The following LPCAT2 variants were observed in gnomAD, a reference collection of about 807,000 sequenced individuals.
LPCAT2 encodes lysophosphatidylcholine acyltransferase 2.
In LPCAT2, 58 loss-of-function variants were observed where a neutral mutation model predicts 64.7. That is an observed-to-expected ratio of 0.90 (90% CI 0.73 to 1.12). The LOEUF (loss-of-function observed/expected upper bound fraction) is 1.12. Ranked by LOEUF, LPCAT2 falls within the 50% of genes most tolerant of loss-of-function variation. The probability of loss-of-function intolerance (pLI) is 0.00; values close to 1 mark genes in which losing one functional copy is unlikely to be tolerated. For missense variants in LPCAT2, 579 were observed against 669.8 expected (o/e 0.86, Z 1.50); for synonymous variants, 252 against 245.3 (o/e 1.03, Z -0.26).
Position 55,549,266 on chromosome 16 carries a change from A to C in LPCAT2, c.936-11A>C, listed in dbSNP as rs752227642. The C allele has an allele frequency of 1.3e-6, 2 of 1,536,496 alleles. No individual in the cohort carries two copies. The highest frequency in any genetic ancestry group is 2.6e-5 in the South Asian group (2 of 77,518). ...AAAAATGAATTTTAGTTTGCTTCTT[A>C]ATACTTTTAGAGCTCTGGGAATACC... is the stretch of plus-strand genomic sequence containing the variant. On this transcript the variant is annotated splice_polypyrimidine_tract_variant and intron_variant, in intron 9 of 13. Transcript: ENST00000262134.
intron 1 of LPCAT2, among the ~76,000 whole-genome samples, chr16:55,511,206 A>G (rs1413577030): frequency 6.6e-6 from 1 of 152,222 alleles, no homozygotes. Flanking sequence ...GTTATCCTAT[A>G]TATTTTCTAC....
chr16:55,534,591 A>G (rs1963300007), intron 7 of LPCAT2, 114 bp downstream of exon 7: 1 of 497,262 alleles, frequency 2.0e-6, no homozygotes, highest in South Asian at 3.1e-5. Context: ...TGTTATATTT[A>G]AAAACATAAA....
chr16:55,533,009 T>C lies in LPCAT2; in HGVS notation c.762+127T>C, dbSNP rs913009877. ...TGGTGGAAGCAAATGGGAGAGCTCATTCTGCTCGCCACATCTAGTTTTTAA... is the reference window on the plus strand; with the variant it reads ...TGGTGGAAGCAAATGGGAGAGCTCACTCTGCTCGCCACATCTAGTTTTTAA... On this transcript the variant is annotated intron_variant, in intron 6 of 13. Coordinates refer to ENST00000262134, the MANE Select transcript of LPCAT2 (RefSeq NM_017839.5). The C allele has an allele frequency of 3.1e-5, 21 of 668,870 alleles. No individual in the cohort carries two copies. In the African/African-American group the frequency reaches 3.5e-4, roughly 11 times the overall value. 41.4% of individuals were successfully genotyped at this position (668,870 alleles called of 1,614,324 possible).
At position 55,529,804 on chromosome 16, in the gene LPCAT2, GCTTGCCTGTAA is replaced by G; in HGVS notation, c.530-27_530-17del. On this transcript the variant is annotated intron_variant, in intron 3 of 13. Transcript: ENST00000262134. ...CTGTGGTTGCTTTAGCCAAAAAATG[GCTTGCCTGTAA>G]CTTTTCATTTGTTTTAAAGGACTGT... 7.0e-7 allele frequency: 1 copy of G among 1,433,002 alleles called. No individual in the cohort carries two copies. Among genetic ancestry groups the G allele is most frequent in the South Asian group, 1.3e-5 (1 of 76,344 alleles). 88.8% of individuals were successfully genotyped at this position (1,433,002 alleles called of 1,614,324 possible). A position where few individuals can be genotyped will look rare whatever the true frequency, so the allele number is the denominator to read the frequency against.
At chr16:55,566,846 A>G (rs775614761) in intron 11 of LPCAT2, 2 of 1,613,890 alleles carry the variant, frequency 1.2e-6, no homozygotes, top group South Asian at 2.2e-5. Flanking sequence ...GTCAGAGAAG[A>G]GAAGGAGGAG....
At position 55,525,593 on chromosome 16, in the gene LPCAT2, T is replaced by C. The variant is rs370768677; in HGVS notation, c.257T>C (p.Ile86Thr). 5.0e-6 allele frequency: 8 copies of C among 1,612,642 alleles called. No homozygotes were observed. In the African/African-American group the frequency reaches 1.1e-4, roughly 22 times the overall value. Reference protein sequence around the residue: ...ILLLAWPFAAISTVCCPEKLT... With the variant: ...ILLLAWPFAATSTVCCPEKLT... Reference sequence around the variant, plus strand: ...TTACTTGCATGGCCATTTGCTGCAATTTCAACAGTATGCTGTCCTGAAAAG... The same window carrying C: ...TTACTTGCATGGCCATTTGCTGCAACTTCAACAGTATGCTGTCCTGAAAAG... The change falls in exon 2 of 14, where the codon ATT (isoleucine) becomes ACT (threonine). Residue 86 changes from isoleucine (I) to threonine (T), a missense_variant. Ile to Thr is a moderately conservative substitution (Grantham distance 89). Coordinates refer to ENST00000262134, the MANE Select transcript of LPCAT2 (RefSeq NM_017839.5).
At chr16:55,532,943 G>A in intron 6 of LPCAT2, 61 bp downstream of exon 6, 1 of 1,360,388 alleles carries the variant, frequency 7.4e-7, no homozygotes. Context: ...AGATTCTCTG[G>A]GACCCCTTTT....
chr16:55,541,926 G>A, intron 8 of LPCAT2: 1 of 1,279,338 alleles, frequency 7.8e-7, no homozygotes, highest in Non-Finnish European at 1.0e-6. Flanking sequence ...AGATTTAAAA[G>A]AAGAATTACA....
intron 11 of LPCAT2, among the ~76,000 whole-genome samples, chr16:55,561,509 T>G (rs1484087106): frequency 6.6e-6 from 1 of 151,868 alleles, no homozygotes; most frequent in Non-Finnish European, 1.5e-5. Flanking sequence ...TAATAGTCTT[T>G]TATTCTATGA....
intron 8 of LPCAT2, chr16:55,539,045 G>A (rs1431185873): frequency 3.3e-5 from 5 of 152,056 alleles, no homozygotes; most frequent in African/African-American, 1.2e-4. Context: ...TATCTTCTCT[G>A]CAAGATATTG....
intron 1 of LPCAT2, among the ~76,000 whole-genome samples, chr16:55,516,312 C>T (rs529906067): frequency 6.6e-6 from 1 of 152,182 alleles, no homozygotes; most frequent in African/African-American, 2.4e-5. Context: ...CCTATATTGC[C>T]CAGACTGGTC....
At chr16:55,564,773 C>T (rs1168253234) in intron 11 of LPCAT2, among the ~76,000 whole-genome samples, 1 of 151,944 alleles carries the variant, frequency 6.6e-6, no homozygotes, top group Non-Finnish European at 1.5e-5. Context: ...CTTCATGACA[C>T]TGGATTTCTC....
intron 1 of LPCAT2, among the ~76,000 whole-genome samples, chr16:55,517,521 C>CA (rs1567390184): frequency 6.6e-6 from 1 of 151,842 alleles, no homozygotes; most frequent in African/African-American, 2.4e-5. Flanking sequence ...ATACCAAAAC[C>CA]AAAAAAGGAC....
At position 55,586,031 on chromosome 16, in the gene LPCAT2, A is replaced by G. The variant is rs1356018024; in HGVS notation, c.*2933A>G. 1 of 152,168 alleles carries G rather than the reference A, an allele frequency of 6.6e-6. No individual in the cohort carries two copies. The highest frequency in any genetic ancestry group is 1.5e-5 in the Non-Finnish European group (1 of 68,016). The allele number at this position is 152,168 out of a possible 1,614,324, so 9.4% of individuals were successfully genotyped here. A position where few individuals can be genotyped will look rare whatever the true frequency, so the allele number is the denominator to read the frequency against. On this transcript the variant is annotated 3_prime_UTR_variant, in exon 14 of 14. Coordinates refer to ENST00000262134, the MANE Select transcript of LPCAT2 (RefSeq NM_017839.5). ...ATGAATAGAAAGATACTGGTGCAAG[A>G]CCATTCCCGGGAAAGTAGACATACT...
At chr16:55,536,487 A>G (rs1236303575) in intron 7 of LPCAT2, among the ~76,000 whole-genome samples, 1 of 152,160 alleles carries the variant, frequency 6.6e-6, no homozygotes, top group African/African-American at 2.4e-5. Context: ...TAGATAGTAA[A>G]AGATTTTTTT....
At chr16:55,571,493 C>G (rs1415092694) in intron 11 of LPCAT2, among the ~76,000 whole-genome samples, 1 of 152,086 alleles carries the variant, frequency 6.6e-6, no homozygotes, top group Non-Finnish European at 1.5e-5. Context: ...TTGTACTTAC[C>G]CAATGTAACT....
chr16:55,517,583 A>G (rs188979512), intron 1 of LPCAT2, among the ~76,000 whole-genome samples: 2 of 152,314 alleles, frequency 1.3e-5, no homozygotes, highest in East Asian at 3.8e-4. Context: ...TATATATGCA[A>G]AAATCCTCAA....
intron 1 of LPCAT2, among the ~76,000 whole-genome samples, chr16:55,521,974 C>T (rs1265794383): frequency 6.6e-6 from 1 of 151,430 alleles, no homozygotes. Flanking sequence ...TTCAACATTA[C>T]GCTAGGGATC....
chr16:55,549,486 A>G, intron 10 of LPCAT2, 84 bp downstream of exon 10: 1 of 1,275,758 alleles, frequency 7.8e-7, no homozygotes, highest in East Asian at 2.6e-5. Context: ...CTGCTTTATT[A>G]ATGCTCAGCT....
Sources: gnomAD v4.1 joint callset for allele counts (sites outside exome capture counted in the v4.1 genomes callset) on GRCh38, gnomAD v4.1.1 for gene constraint, MANE v1.5 for transcripts, NCBI Gene and HGNC (gene_info 2026-07-23, HGNC 2026-07-21) for gene names.